Variants in DST observed in about 807,000 individuals in gnomAD.
The protein encoded by DST is bullous pemphigoid antigen.
DST carries 253 observed loss-of-function variants against 875.2 expected under a neutral mutation model. That is an observed-to-expected ratio of 0.29 (90% CI 0.26 to 0.32). DST has a LOEUF of 0.32. DST is among the 10% of genes least tolerant of loss of function. The probability of loss-of-function intolerance (pLI) is 1.00; values close to 1 mark genes in which losing one functional copy is unlikely to be tolerated. For synonymous variants in DST, 3,124 were observed against 3,197.1 expected, an observed-to-expected ratio of 0.98 and a Z score of 0.77; for missense variants, 8,287 against 9,111.6, an observed-to-expected ratio of 0.91 and a Z score of 3.68.
At chr6:56,505,462 T>C (rs1036862711) in intron 77 of DST, among the ~76,000 whole-genome samples, 3 of 138,404 alleles carry the variant, frequency 2.2e-5, no homozygotes, top group African/African-American at 8.2e-5. Flanking sequence ...TAGAGTAAAT[T>C]ATCACTTAGG....
intron 4 of DST, among the ~76,000 whole-genome samples, chr6:56,838,396 T>G (rs1049887726): frequency 6.6e-6 from 1 of 152,212 alleles, no homozygotes; most frequent in South Asian, 2.1e-4. Flanking sequence ...GAGGCACATA[T>G]GACCCAACGG....
In DST at chr6:56,596,737, G is replaced by A. The variant is rs1177427454; in HGVS notation, c.12195+1003C>T. Among the ~76,000 whole-genome samples the A allele has an allele frequency of 2.0e-5, 3 of 152,166 alleles. No homozygotes were observed. In the East Asian group the frequency reaches 5.8e-4, roughly 29 times the overall value. On this transcript the variant is annotated intron_variant, in intron 47 of 103. Coordinates refer to ENST00000680361, the MANE Select transcript of DST (RefSeq NM_001374736.1). Reference sequence around the variant, plus strand: ...AATAAATAGACCTGCAAAAGTTTCTGAGGTCCAGAAACCGTCTGTCAAAAG... The same window carrying A: ...AATAAATAGACCTGCAAAAGTTTCTAAGGTCCAGAAACCGTCTGTCAAAAG...
intron 49 of DST, among the ~76,000 whole-genome samples, chr6:56,585,391 T>G (rs1381847818): frequency 6.6e-6 from 1 of 152,198 alleles, no homozygotes; most frequent in Non-Finnish European, 1.5e-5. Flanking sequence ...TAGAGGTGTT[T>G]GTAGTATTCT....
chr6:56,918,761 C>T (rs888668220), intron 2 of DST, among the ~76,000 whole-genome samples: 4 of 152,142 alleles, frequency 2.6e-5, no homozygotes, highest in Admixed American at 6.5e-5. Context: ...GGCATTTTGG[C>T]ATGCACCTGT....
chr6:56,587,180 G>A (rs2098171092), intron 49 of DST, among the ~76,000 whole-genome samples: 1 of 152,012 alleles, frequency 6.6e-6, no homozygotes, highest in Non-Finnish European at 1.5e-5. Flanking sequence ...TTAGACGAAT[G>A]TATAACTAGA....
intron 3 of DST, among the ~76,000 whole-genome samples, chr6:56,879,080 T>C (rs550831418): frequency 1.2e-4 from 18 of 152,270 alleles, no homozygotes; most frequent in Non-Finnish European, 2.6e-4. Context: ...AATCAATAAA[T>C]AGATTATACA....
At position 56,459,246 on chromosome 6, in the gene DST, C is replaced by T. The variant is rs373455908; in HGVS notation, c.23216G>A (p.Arg7739Gln). 15 of 1,612,410 alleles carry T rather than the reference C, an allele frequency of 9.3e-6. No individual in the cohort carries two copies. The African/African-American group carries it at 1.3e-4, about 14-fold the overall frequency. ...QFADSKKTPS[R>Q]PGSRAGSKAG... ...TTTGCTTCCAGCTCGACTTCCTGGT[C>T]GGCTGGGAGTCTTCTTGGAATCTGA... is the stretch of plus-strand genomic sequence containing the variant. The change falls in exon 104 of 104, where the codon CGA becomes CAA. Residue 7739 changes from arginine (R) to glutamine (Q), a missense_variant. Physicochemically the swap from Arg to Gln is conservative, Grantham distance 43. Transcript: ENST00000680361.
chr6:56,778,064 G>C (rs780091162), intron 4 of DST, among the ~76,000 whole-genome samples: 2 of 152,084 alleles, frequency 1.3e-5, no homozygotes, highest in Non-Finnish European at 2.9e-5. Context: ...AATATTCCTT[G>C]GTTCAGTTAT....
At chr6:56,885,928 T>C (rs1055307675) in intron 3 of DST, among the ~76,000 whole-genome samples, 1 of 152,236 alleles carries the variant, frequency 6.6e-6, no homozygotes, top group Admixed American at 6.5e-5. Flanking sequence ...CAAGGGTCAA[T>C]GTAGATTAGC....
At chr6:56,866,022 T>G (rs1192717105) in intron 3 of DST, among the ~76,000 whole-genome samples, 1 of 152,164 alleles carries the variant, frequency 6.6e-6, no homozygotes, top group Non-Finnish European at 1.5e-5. Context: ...AGTCTCACTC[T>G]GTTGCCCAGG....
chr6:56,631,385 A>G lies in DST; in HGVS notation c.3968T>C (p.Leu1323Pro), dbSNP rs763647005. The G allele has an allele frequency of 1.2e-6, 2 of 1,613,614 alleles. No individual in the cohort carries two copies. The highest frequency in any genetic ancestry group is 1.7e-6 in the Non-Finnish European group (2 of 1,179,684). The change falls in exon 30 of 104, where the codon CTA becomes CCA. Residue 1323 changes from leucine (L) to proline (P), a missense_variant. Around this residue, in one of 10 missense-constraint regions of DST, gnomAD observed 3,138 missense variants for 3,116.6 expected, o/e 1.01. Transcript: ENST00000680361. ...TTTAAGTCGTTCCAGCTCTTTCTTT[A>G]GTTTCTATAAAACAGAGAACAAACA... ...SVFRITEQEK[L>P]KKELERLKDD...
At chr6:56,771,011 A>G (rs1422013086) in intron 4 of DST, among the ~76,000 whole-genome samples, 1 of 152,018 alleles carries the variant, frequency 6.6e-6, no homozygotes, top group East Asian at 1.9e-4. Context: ...AAAAAAAAAA[A>G]AAAGAAAAAT....
chr6:56,578,752 A>G, intron 50 of DST, 62 bp downstream of exon 50: 4 of 1,569,250 alleles, frequency 2.5e-6, no homozygotes, highest in Non-Finnish European at 3.5e-6. Context: ...CTCCATATCT[A>G]TTAGGACACC....
At chr6:56,927,196 A>G (rs1807628053) in intron 2 of DST, among the ~76,000 whole-genome samples, 2 of 152,196 alleles carry the variant, frequency 1.3e-5, no homozygotes, top group Non-Finnish European at 2.9e-5. Context: ...TTTATCTATT[A>G]GTCATTTCTG....
chr6:56,488,044 T>G, intron 86 of DST, among the ~76,000 whole-genome samples: 1 of 152,222 alleles, frequency 6.6e-6, no homozygotes, highest in East Asian at 1.9e-4. Context: ...CTAAATTATT[T>G]AATTTGTCAT....
intron 56 of DST, 134 bp downstream of exon 56, chr6:56,562,004 G>C (rs1412491603): frequency 2.1e-6 from 1 of 470,178 alleles, no homozygotes; most frequent in Non-Finnish European, 3.6e-6. Flanking sequence ...TATGGAGATT[G>C]TGACTATTAG....
chr6:56,842,675 C>T lies in DST; in HGVS notation c.625+8722G>A, dbSNP rs538825547. Reference sequence around the variant, plus strand: ...ACCTTTTCTACAGGGCTAACCAATACCCTAGCCAAGCAGCAGCAGCAATGC... The same window carrying T: ...ACCTTTTCTACAGGGCTAACCAATATCCTAGCCAAGCAGCAGCAGCAATGC... On this transcript the variant is annotated intron_variant, in intron 4 of 103. Transcript: ENST00000680361. 6.6e-5 allele frequency among the ~76,000 whole-genome samples: 10 copies of T among 152,068 alleles called. No homozygotes were observed. In the South Asian group the frequency reaches 2.1e-3, roughly 32 times the overall value.
chr6:56,583,993 T>C (rs1391698072), intron 49 of DST, among the ~76,000 whole-genome samples: 1 of 152,244 alleles, frequency 6.6e-6, no homozygotes, highest in African/African-American at 2.4e-5. Context: ...TTGGTTACTG[T>C]AGCCTTGTAG....
chr6:56,595,779 A>ACCCC (rs559086079), intron 47 of DST, among the ~76,000 whole-genome samples: 38 of 144,566 alleles, frequency 2.6e-4, no homozygotes, highest in African/African-American at 1.0e-3. Context: ...TTCATATGCT[A>ACCCC]CCCCCACCCC....
Sources: allele counts gnomAD v4.1 joint callset (sites outside exome capture counted in the v4.1 genomes callset), GRCh38; gene constraint gnomAD v4.1.1; regional missense constraint gnomAD v4.1.1; transcripts MANE v1.5; gene names NCBI Gene and HGNC (gene_info 2026-07-23, HGNC 2026-07-21).